Variants in COMMD10 observed in about 807,000 individuals in gnomAD.
COMMD10 encodes the protein COMM domain containing 10.
In COMMD10, 33 loss-of-function variants were observed where a neutral mutation model predicts 28.9. The observed-to-expected ratio is 1.14, with a 90% CI of 0.87 to 1.53. COMMD10 has a LOEUF of 1.53. Ranked by LOEUF, COMMD10 falls within the 40% of genes most tolerant of loss-of-function variation. COMMD10 has a pLI of 0.00. For missense variants in COMMD10, 310 were observed against 233.4 expected (o/e 1.33, Z -2.14); for synonymous variants, 110 against 81.7 (o/e 1.35, Z -1.87).
At chr5:116,112,381 A>G (rs539749046) in intron 4 of COMMD10, among the ~76,000 whole-genome samples, 1 of 152,010 alleles carries the variant, frequency 6.6e-6, no homozygotes. Context: ...GGTTTCTTGT[A>G]AATAGCATAT....
At chr5:116,240,913 C>G (rs1042319334) in intron 5 of COMMD10, among the ~76,000 whole-genome samples, 6 of 152,080 alleles carry the variant, frequency 3.9e-5, no homozygotes, top group Non-Finnish European at 7.4e-5. Flanking sequence ...AAAAATTATT[C>G]CAGGCTACAA....
chr5:116,087,638 G>T, intron 2 of COMMD10, 51 bp downstream of exon 2: 1 of 1,266,834 alleles, frequency 7.9e-7, no homozygotes, highest in Non-Finnish European at 1.2e-6. Flanking sequence ...TGATTTAATT[G>T]AAAGTCTGAT....
At chr5:116,182,097 T>C (rs1287629292) in intron 5 of COMMD10, among the ~76,000 whole-genome samples, 4 of 152,100 alleles carry the variant, frequency 2.6e-5, no homozygotes, top group Non-Finnish European at 5.9e-5. Context: ...GGTGTAGTGA[T>C]CTCTGAGGAG....
chr5:116,195,119 T>G (rs1223589683), intron 5 of COMMD10, among the ~76,000 whole-genome samples: 1 of 152,114 alleles, frequency 6.6e-6, no homozygotes, highest in Non-Finnish European at 1.5e-5. Flanking sequence ...CCAGCATTCT[T>G]TATGATTAAA....
intron 5 of COMMD10, among the ~76,000 whole-genome samples, chr5:116,259,855 T>A (rs1750393558): frequency 6.6e-6 from 1 of 151,686 alleles, no homozygotes; most frequent in African/African-American, 2.4e-5. Flanking sequence ...GTACTCCTGC[T>A]TTTGTTATTT....
chr5:116,286,089 GTA>G (rs1751211870), intron 5 of COMMD10, among the ~76,000 whole-genome samples: 1 of 151,714 alleles, frequency 6.6e-6, no homozygotes, highest in Non-Finnish European at 1.5e-5. Flanking sequence ...TTTAGTCTTA[GTA>G]GGTTGTTTCT....
chr5:116,147,057 G>A (rs1325525959), intron 5 of COMMD10, among the ~76,000 whole-genome samples: 3 of 151,806 alleles, frequency 2.0e-5, no homozygotes, highest in Non-Finnish European at 2.9e-5. Context: ...TCCCGAGATA[G>A]CTAATGATGA....
In COMMD10 at chr5:116,089,820, C is replaced by G. The variant is rs73269274; in HGVS notation, c.133-1259C>G. The stretch of plus-strand genomic sequence containing the variant: ...CTGCTAAGAAGACGTCAGGAAAGGT[C>G]TAATTGTTTTTTTCCTGTACAGTTT... On this transcript the variant is annotated intron_variant, in intron 2 of 6. Transcript: ENST00000274458. Among the ~76,000 whole-genome samples, 1,188 of 152,244 alleles carry G rather than the reference C, an allele frequency of 7.8e-3. 15 individuals carry two copies. Among genetic ancestry groups the G allele is most frequent in the African/African-American group, 0.026 (1,098 of 41,550 alleles).
chr5:116,187,238 C>G (rs1005381228), intron 5 of COMMD10, among the ~76,000 whole-genome samples: 3 of 151,974 alleles, frequency 2.0e-5, no homozygotes, highest in Non-Finnish European at 4.4e-5. Context: ...TGTTATGAAA[C>G]TTATAATTAG....
At chr5:116,094,494 C>G (rs1750405173) in intron 4 of COMMD10, among the ~76,000 whole-genome samples, 1 of 152,032 alleles carries the variant, frequency 6.6e-6, no homozygotes, top group South Asian at 2.1e-4. Flanking sequence ...GTTAGAATGG[C>G]TATTATTAAA....
chr5:116,136,417 AT>A (rs1335720662), intron 5 of COMMD10, among the ~76,000 whole-genome samples: 1 of 152,162 alleles, frequency 6.6e-6, no homozygotes, highest in Non-Finnish European at 1.5e-5. Context: ...TGACTACCTA[AT>A]GTTAAGTCTG....
intron 5 of COMMD10, among the ~76,000 whole-genome samples, chr5:116,236,477 C>T (rs10079089): frequency 0.1 from 14,288 of 142,136 alleles, 769 homozygotes; most frequent in Admixed American, 0.14. Context: ...GCACTCTAGC[C>T]TGGGTGACAA....
chr5:116,128,418 G>A (rs1405212579), intron 4 of COMMD10, among the ~76,000 whole-genome samples: 1 of 151,826 alleles, frequency 6.6e-6, no homozygotes, highest in African/African-American at 2.4e-5. Flanking sequence ...AAAGTGTAAG[G>A]ACCCTCAGAT....
rs73261038 is a variant in COMMD10 at position 116,275,079 on chromosome 5, A to G, written c.511-16438A>G. On this transcript the variant is annotated intron_variant, in intron 5 of 6. Transcript: ENST00000274458. ...GATTACTTCCCTCAACCCCCATTCTATCTCAATGAATGGCCCTACCCATCT... is the reference window on the plus strand; with the variant it reads ...GATTACTTCCCTCAACCCCCATTCTGTCTCAATGAATGGCCCTACCCATCT... Among the ~76,000 whole-genome samples the G allele has an allele frequency of 9.6e-3, 1,452 of 151,846 alleles. 59 individuals carry two copies. The highest frequency in any genetic ancestry group is 0.033 in the African/African-American group (1,354 of 41,256).
At chr5:116,271,398 G>A (rs1750752911) in intron 5 of COMMD10, among the ~76,000 whole-genome samples, 1 of 149,216 alleles carries the variant, frequency 6.7e-6, no homozygotes, top group African/African-American at 2.5e-5. Context: ...ATTTTAGTAA[G>A]CATCCCCAAA....
At position 116,274,907 on chromosome 5, in the gene COMMD10, A is replaced by G. The variant is rs534756047; in HGVS notation, c.511-16610A>G. On this transcript the variant is annotated intron_variant, in intron 5 of 6. Transcript: ENST00000274458. Reference sequence around the variant, plus strand: ...TTCTCCCTCCTGAGCACTCTTAAGTATTAATCTGTAGCCCAGATTCCTAAT... The same window carrying G: ...TTCTCCCTCCTGAGCACTCTTAAGTGTTAATCTGTAGCCCAGATTCCTAAT... Among the ~76,000 whole-genome samples, 11 of 151,980 alleles carry G rather than the reference A, an allele frequency of 7.2e-5. No homozygotes were observed. In the South Asian group the frequency reaches 2.1e-3, roughly 29 times the overall value.
At chr5:116,230,774 A>G (rs1314515397) in intron 5 of COMMD10, among the ~76,000 whole-genome samples, 1 of 152,102 alleles carries the variant, frequency 6.6e-6, no homozygotes, top group Non-Finnish European at 1.5e-5. Context: ...TCTCTTTACC[A>G]TCCAAAGTTC....
chr5:116,088,173 G>A (rs17138861), intron 2 of COMMD10, among the ~76,000 whole-genome samples: 34,246 of 151,998 alleles, frequency 0.23, 4,953 homozygotes, highest in African/African-American at 0.4. Flanking sequence ...TATTTATGGA[G>A]CACCCACTAA....
At chr5:116,102,646 C>T (rs1750700942) in intron 4 of COMMD10, among the ~76,000 whole-genome samples, 1 of 152,110 alleles carries the variant, frequency 6.6e-6, no homozygotes, top group South Asian at 2.1e-4. Flanking sequence ...TTGCTTTGGG[C>T]AGTATAGTCA....
Sources: gnomAD v4.1 joint callset for allele counts (sites outside exome capture counted in the v4.1 genomes callset) on GRCh38, gnomAD v4.1.1 for gene constraint, MANE v1.5 for transcripts, NCBI Gene and HGNC (gene_info 2026-07-23, HGNC 2026-07-21) for gene names.